Variants in FGF1 observed in about 807,000 individuals in gnomAD.
FGF1 encodes fibroblast growth factor 1, also known as beta-endothelial cell growth factor.
Under a neutral mutation model 13.4 loss-of-function variants are expected in FGF1, and 9 were observed. The ratio of observed to expected loss-of-function variants is 0.67; its 90% CI spans 0.40 to 1.17. The LOEUF is 1.17. FGF1 is among the 50% of genes most tolerant of loss of function. FGF1 has a pLI of 0.01. For missense variants in FGF1, 156 were observed against 192.7 expected (o/e 0.81, Z 1.13); for synonymous variants, 93 against 79.0 (o/e 1.18, Z -0.94).
upstream of FGF1, among the ~76,000 whole-genome samples, chr5:142,689,110 G>A (rs571266646): frequency 3.9e-5 from 6 of 152,226 alleles, no homozygotes; most frequent in African/African-American, 1.4e-4. Context: ...TGATTCTTGA[G>A]AATGACATTC....
At chr5:142,653,305 C>T (rs753832166) in intron 1 of FGF1, among the ~76,000 whole-genome samples, 2 of 152,100 alleles carry the variant, frequency 1.3e-5, no homozygotes, top group Admixed American at 6.5e-5. Flanking sequence ...AGTTGCGGCA[C>T]CCTCCTCTAA....
At chr5:142,659,869 C>G (rs1222184672) in intron 1 of FGF1, among the ~76,000 whole-genome samples, 1 of 152,156 alleles carries the variant, frequency 6.6e-6, no homozygotes, top group African/African-American at 2.4e-5. Flanking sequence ...AGGGAACATG[C>G]CCTTTGGTCT....
intron 1 of FGF1, among the ~76,000 whole-genome samples, chr5:142,642,241 G>A (rs1431724712): frequency 6.6e-6 from 1 of 152,172 alleles, no homozygotes; most frequent in African/African-American, 2.4e-5. Flanking sequence ...AATGGCCCAG[G>A]AAGAAAAGGT....
intron 1 of FGF1, among the ~76,000 whole-genome samples, chr5:142,638,498 A>C (rs1764650944): frequency 6.6e-6 from 1 of 152,030 alleles, no homozygotes; most frequent in African/African-American, 2.4e-5. Context: ...GTGCTTAATA[A>C]ATATGTGTTG....
At chr5:142,612,888 C>T (rs1030922927) in intron 2 of FGF1, among the ~76,000 whole-genome samples, 1 of 152,196 alleles carries the variant, frequency 6.6e-6, no homozygotes, top group Non-Finnish European at 1.5e-5. Flanking sequence ...GTCATTTGTT[C>T]TTAGAGCCTG....
intron 1 of FGF1, among the ~76,000 whole-genome samples, chr5:142,646,515 GCTA>G (rs1300313238): frequency 6.6e-6 from 1 of 152,054 alleles, no homozygotes; most frequent in African/African-American, 2.4e-5. Flanking sequence ...ACCACGCCCG[GCTA>G]CTTTTTGTGT....
intron 1 of FGF1, 67 bp from the exon 2 acceptor site, chr5:142,614,228 A>G: frequency 7.8e-7 from 1 of 1,286,994 alleles, no homozygotes; most frequent in Non-Finnish European, 1.1e-6. Context: ...CTTTGAAGAG[A>G]GGAAGGACAG....
chr5:142,645,542 A>C (rs1418296461), intron 1 of FGF1, among the ~76,000 whole-genome samples: 1 of 152,174 alleles, frequency 6.6e-6, no homozygotes, highest in African/African-American at 2.4e-5. Flanking sequence ...TCTGATCCTC[A>C]AGTTCCTCAT....
At chr5:142,646,540 G>A (rs1421823614) in intron 1 of FGF1, among the ~76,000 whole-genome samples, 3 of 151,924 alleles carry the variant, frequency 2.0e-5, no homozygotes, top group Non-Finnish European at 4.4e-5. Context: ...TTTAGTAGAG[G>A]CGGGGTTTCG....
chr5:142,621,643 A>G (rs986209763), intron 1 of FGF1, among the ~76,000 whole-genome samples: 2 of 152,048 alleles, frequency 1.3e-5, no homozygotes, highest in Non-Finnish European at 2.9e-5. Context: ...TCCCATCTAT[A>G]TCCCCCTGCC....
At chr5:142,622,146 A>C (rs34020) in intron 1 of FGF1, among the ~76,000 whole-genome samples, 1 of 152,096 alleles carries the variant, frequency 6.6e-6, no homozygotes, top group Non-Finnish European at 1.5e-5. Flanking sequence ...AAAATGCCTG[A>C]CACCTGATGG....
intron 1 of FGF1, among the ~76,000 whole-genome samples, chr5:142,633,664 G>A (rs1468086220): frequency 2.6e-5 from 4 of 152,230 alleles, no homozygotes; most frequent in Admixed American, 2.0e-4. Context: ...CTCACGGGGA[G>A]CAGAATGCCC....
intron 1 of FGF1, among the ~76,000 whole-genome samples, chr5:142,626,333 GA>G (rs1762443516): frequency 6.6e-6 from 1 of 152,288 alleles, no homozygotes; most frequent in Non-Finnish European, 1.5e-5. Flanking sequence ...GGCAGCTAAG[GA>G]AGTGAGGCTC....
At position 142,592,626 on chromosome 5, in the gene FGF1, A is replaced by G. The variant is rs953742758; in HGVS notation, c.*2664T>C. 1.0e-5 allele frequency: 4 copies of G among 394,424 alleles called. No homozygotes were observed. The highest frequency in any genetic ancestry group is 1.8e-5 in the Non-Finnish European group (4 of 223,822). 24.4% of individuals were successfully genotyped at this position (394,424 alleles called of 1,614,324 possible). On this transcript the variant is annotated 3_prime_UTR_variant, in exon 4 of 4. Coordinates refer to ENST00000337706, the MANE Select transcript of FGF1 (RefSeq NM_000800.5). ...AATGGGAATGTCCCCAGGTTAATAA[A>G]CTAGAGCATGTTCAAAACAGAGCAG...
intron 2 of FGF1, among the ~76,000 whole-genome samples, chr5:142,604,392 GCTAA>G (rs1466820275): frequency 6.6e-6 from 1 of 152,092 alleles, no homozygotes; most frequent in Non-Finnish European, 1.5e-5. Flanking sequence ...AAAGGAAGGG[GCTAA>G]CTTTTATTGA....
At chr5:142,675,921 T>A in intron 1 of FGF1, among the ~76,000 whole-genome samples, 1 of 152,198 alleles carries the variant, frequency 6.6e-6, no homozygotes, top group East Asian at 1.9e-4. Flanking sequence ...AAAGCCTTTT[T>A]GTGCATTGAG....
At chr5:142,633,725 C>T (rs1455010562) in intron 1 of FGF1, among the ~76,000 whole-genome samples, 8 of 152,174 alleles carry the variant, frequency 5.3e-5, no homozygotes, top group Non-Finnish European at 1.0e-4. Flanking sequence ...GCCTTTGACT[C>T]TTTGGGGCCC....
At chr5:142,696,616 G>A (rs1753149612) in intron 2 of FGF1, among the ~76,000 whole-genome samples, 1 of 152,168 alleles carries the variant, frequency 6.6e-6, no homozygotes, top group Non-Finnish European at 1.5e-5. Context: ...GAAACAGAAG[G>A]ACGCAGGGGA....
chr5:142,643,699 C>G (rs547899634), intron 1 of FGF1, among the ~76,000 whole-genome samples: 2 of 152,274 alleles, frequency 1.3e-5, no homozygotes, highest in Admixed American at 1.3e-4. Context: ...TTATTATGCA[C>G]AGAACATTCT....
Sources: allele counts gnomAD v4.1 joint callset (sites outside exome capture counted in the v4.1 genomes callset), GRCh38; gene constraint gnomAD v4.1.1; transcripts MANE v1.5; gene names NCBI Gene and HGNC (gene_info 2026-07-23, HGNC 2026-07-21).